The following MAST4 variants were observed in gnomAD, a reference collection of about 807,000 sequenced individuals.
MAST4 encodes the protein microtubule-associated serine/threonine-protein kinase 4.
In MAST4, 89 loss-of-function variants were observed where a neutral mutation model predicts 162.7. That is an observed-to-expected ratio of 0.55 (90% CI 0.46 to 0.65). The LOEUF is 0.65. MAST4 is among the 30% of genes least tolerant of loss of function. The pLI, the probability that MAST4 is intolerant of heterozygous loss-of-function variation, is 0.00. For synonymous variants in MAST4, 1,479 were observed against 1,361.1 expected (o/e 1.09, Z -1.91); for missense variants, 3,153 against 3,374.0 (o/e 0.93, Z 1.62).
chr5:66,623,825 T>C (rs1053775971), intron 1 of MAST4, among the ~76,000 whole-genome samples: 9 of 152,194 alleles, frequency 5.9e-5, no homozygotes, highest in Non-Finnish European at 1.3e-4. Flanking sequence ...GGCAAAATTA[T>C]CTGTTTGCAG....
intron 3 of MAST4, among the ~76,000 whole-genome samples, chr5:66,882,331 C>T (rs1041775770): frequency 3.3e-5 from 5 of 152,022 alleles, no homozygotes; most frequent in African/African-American, 9.7e-5. Flanking sequence ...ATCTTTAAAC[C>T]ACTTTCTTTT....
chr5:66,807,647 C>T (rs1192853260), intron 3 of MAST4, among the ~76,000 whole-genome samples: 1 of 152,194 alleles, frequency 6.6e-6, no homozygotes, highest in Non-Finnish European at 1.5e-5. Flanking sequence ...ACTCATTCCT[C>T]TAATTCTCTG....
In MAST4 at chr5:67,100,571, G is replaced by A. The variant is rs373259805; in HGVS notation, c.1049G>A (p.Arg350His). The A allele has an allele frequency of 2.2e-5, 36 of 1,613,676 alleles. No homozygotes were observed. The Admixed American group carries it at 2.5e-4, about 11-fold the overall frequency. The change falls in exon 8 of 29, where the codon CGC becomes CAC. Residue 350 changes from arginine (R) to histidine (H), a missense_variant. Arg to His is a conservative substitution (Grantham distance 29). Coordinates refer to ENST00000403625, the MANE Select transcript of MAST4 (RefSeq NM_001164664.2). The part of the protein sequence containing the change: ...TENRCRNTPM[R>H]PRSRSLSPGR... ...AACAGATGCAGGAACACGCCGATGC[G>A]CCCCCGTTCCCGAAGTCTGAGGTGT...
rs1047137301 is a variant in MAST4, at chr5:67,165,463, C to G, written c.6284C>G (p.Pro2095Arg). The G allele has an allele frequency of 9.3e-6, 15 of 1,613,928 alleles. No individual in the cohort carries two copies. Among genetic ancestry groups the G allele is most frequent in the South Asian group, 3.3e-5 (3 of 91,088 alleles). The change falls in exon 29 of 29, where the codon CCT becomes CGT. Residue 2095 changes from proline to arginine, a missense_variant. Pro to Arg is a moderately radical substitution (Grantham distance 103). Coordinates refer to ENST00000403625, the MANE Select transcript of MAST4 (RefSeq NM_001164664.2). ...CTTGCCAGGCGGTCTCTGCAGCCAC[C>G]TGGAATTGAGAGTGAGAAGAGTGAA... ...ALLARRSLQP[P>R]GIESEKSEKL...
At chr5:67,011,690 G>A (rs867491206) in intron 4 of MAST4, among the ~76,000 whole-genome samples, 12 of 152,150 alleles carry the variant, frequency 7.9e-5, no homozygotes, top group Admixed American at 1.3e-4. Flanking sequence ...GGCAGCATTC[G>A]CAGATTCTGG....
chr5:66,612,932 A>T (rs531813531), intron 1 of MAST4, among the ~76,000 whole-genome samples: 2 of 152,344 alleles, frequency 1.3e-5, no homozygotes, highest in African/African-American at 4.8e-5. Flanking sequence ...GTAATTTTGT[A>T]TCTAATTAAA....
chr5:66,900,371 T>G (rs1762933480), intron 4 of MAST4, among the ~76,000 whole-genome samples: 1 of 152,106 alleles, frequency 6.6e-6, no homozygotes, highest in Non-Finnish European at 1.5e-5. Context: ...TATGTACTTT[T>G]GAATCTGAAT....
intron 1 of MAST4, among the ~76,000 whole-genome samples, chr5:66,650,190 GT>G (rs1352918495): frequency 6.6e-6 from 1 of 152,102 alleles, no homozygotes; most frequent in African/African-American, 2.4e-5. Flanking sequence ...AGCTTGGCTG[GT>G]GGCTCTGCTT....
intron 4 of MAST4, among the ~76,000 whole-genome samples, chr5:67,011,944 CAT>C (rs771601798): frequency 6.6e-6 from 1 of 152,106 alleles, no homozygotes; most frequent in Middle Eastern, 3.2e-3. Context: ...AAAAATAAAA[CAT>C]AAGAATTATG....
At chr5:66,715,390 C>T (rs1487505553) in intron 1 of MAST4, among the ~76,000 whole-genome samples, 1 of 151,834 alleles carries the variant, frequency 6.6e-6, no homozygotes. Context: ...ATTTTTTTGG[C>T]ATAAATCTCA....
intron 4 of MAST4, among the ~76,000 whole-genome samples, chr5:67,012,206 G>A (rs1256736200): frequency 1.3e-5 from 2 of 152,174 alleles, no homozygotes; most frequent in African/African-American, 2.4e-5. Flanking sequence ...GAGACCATTT[G>A]CCTTCTGGGT....
chr5:66,719,989 T>C (rs1345355279), intron 1 of MAST4, among the ~76,000 whole-genome samples: 1 of 152,216 alleles, frequency 6.6e-6, no homozygotes, highest in African/African-American at 2.4e-5. Flanking sequence ...GAACAGATAT[T>C]CTTGTTCAAA....
At chr5:67,145,815 C>G (rs950490895) in intron 23 of MAST4, among the ~76,000 whole-genome samples, 1 of 152,192 alleles carries the variant, frequency 6.6e-6, no homozygotes, top group Non-Finnish European at 1.5e-5. Context: ...TTGAATCACC[C>G]TAAGGCACAG....
At chr5:66,742,007 G>A (rs1752501970) in intron 1 of MAST4, among the ~76,000 whole-genome samples, 1 of 152,206 alleles carries the variant, frequency 6.6e-6, no homozygotes, top group Non-Finnish European at 1.5e-5. Flanking sequence ...TTGAAAGGAT[G>A]AGCATCTGTA....
intron 1 of MAST4, among the ~76,000 whole-genome samples, chr5:66,649,431 A>T (rs1746069327): frequency 6.6e-6 from 1 of 152,174 alleles, no homozygotes; most frequent in African/African-American, 2.4e-5. Flanking sequence ...GAGGAGCAGA[A>T]GTGGGCCATA....
At chr5:67,137,428 A>G (rs1769803863) in intron 19 of MAST4, among the ~76,000 whole-genome samples, 1 of 152,242 alleles carries the variant, frequency 6.6e-6, no homozygotes, top group Non-Finnish European at 1.5e-5. Context: ...TAGTCTAGCC[A>G]GCAGCCATAA....
At chr5:66,858,060 G>T (rs1240560634) in intron 3 of MAST4, among the ~76,000 whole-genome samples, 1 of 152,050 alleles carries the variant, frequency 6.6e-6, no homozygotes, top group African/African-American at 2.4e-5. Context: ...GGGTTCAACT[G>T]ATTCTTCTAC....
intron 1 of MAST4, among the ~76,000 whole-genome samples, chr5:66,722,283 C>T (rs535501790): frequency 6.6e-6 from 1 of 152,236 alleles, no homozygotes; most frequent in African/African-American, 2.4e-5. Context: ...ATGTGCCATG[C>T]TCTTGCCTCC....
intron 2 of MAST4, among the ~76,000 whole-genome samples, chr5:66,768,743 T>G (rs796551313): frequency 2.0e-5 from 3 of 152,294 alleles, no homozygotes; most frequent in African/African-American, 7.2e-5. Context: ...ATTCTTGGGT[T>G]GTGATATTGT....
Sources: gnomAD v4.1 joint callset for allele counts (sites outside exome capture counted in the v4.1 genomes callset) on GRCh38, gnomAD v4.1.1 for gene constraint, MANE v1.5 for transcripts, NCBI Gene and HGNC (gene_info 2026-07-23, HGNC 2026-07-21) for gene names.